RAB3C: variants seen among roughly 807,000 people sequenced by gnomAD.
RAB3C encodes the protein ras-related protein Rab-3C.
RAB3C carries 17 observed loss-of-function variants against 26.4 expected under a neutral mutation model. The ratio of observed to expected loss-of-function variants is 0.64; its 90% CI spans 0.44 to 0.97. The LOEUF (loss-of-function observed/expected upper bound fraction) is 0.97, where lower values mean the gene tolerates loss of function less well. RAB3C is among the 50% of genes least tolerant of loss of function. The probability of loss-of-function intolerance (pLI) is 0.00; values close to 1 mark genes in which losing one functional copy is unlikely to be tolerated. For missense variants in RAB3C, 242 were observed against 281.9 expected (o/e 0.86, Z 1.01); for synonymous variants, 91 against 95.9 (o/e 0.95, Z 0.30).
chr5:58,642,823 C>G (rs985846002), intron 2 of RAB3C, among the ~76,000 whole-genome samples: 5 of 152,332 alleles, frequency 3.3e-5, no homozygotes, highest in African/African-American at 1.2e-4. Flanking sequence ...AGTAAAATCC[C>G]TGCAAAGCTA....
At chr5:58,685,853 G>C (rs2111849058) in intron 2 of RAB3C, among the ~76,000 whole-genome samples, 1 of 152,236 alleles carries the variant, frequency 6.6e-6, no homozygotes, top group African/African-American at 2.4e-5. Context: ...AAAAAACGTA[G>C]ATATAGAAAG....
At chr5:58,739,222 A>C (rs190772559) in intron 3 of RAB3C, among the ~76,000 whole-genome samples, 1 of 152,204 alleles carries the variant, frequency 6.6e-6, no homozygotes, top group Non-Finnish European at 1.5e-5. Context: ...CTCATGATAC[A>C]TGTTATTGAC....
intron 1 of RAB3C, among the ~76,000 whole-genome samples, chr5:58,586,599 C>T (rs1354058517): frequency 1.3e-5 from 2 of 152,126 alleles, no homozygotes; most frequent in African/African-American, 2.4e-5. Context: ...AAGTGGAATT[C>T]ATTGTCTCTG....
chr5:58,654,634 A>G (rs983758310), intron 2 of RAB3C, among the ~76,000 whole-genome samples: 5 of 151,976 alleles, frequency 3.3e-5, no homozygotes, highest in Non-Finnish European at 5.9e-5. Flanking sequence ...AGGTTTGTGT[A>G]AAGCAAGCAG....
chr5:58,663,529 T>G (rs949473996), intron 2 of RAB3C, among the ~76,000 whole-genome samples: 1 of 150,346 alleles, frequency 6.7e-6, no homozygotes, highest in Non-Finnish European at 1.5e-5. Context: ...GTAACTAAAT[T>G]CATTTGGATG....
chr5:58,712,582 T>G (rs1237310232), intron 2 of RAB3C, among the ~76,000 whole-genome samples: 3 of 152,192 alleles, frequency 2.0e-5, no homozygotes, highest in African/African-American at 7.2e-5. Context: ...TGGAGTTCAG[T>G]GGAGCGATCT....
At chr5:58,677,322 G>A (rs1274163078) in intron 2 of RAB3C, among the ~76,000 whole-genome samples, 4 of 152,134 alleles carry the variant, frequency 2.6e-5, no homozygotes, top group African/African-American at 7.2e-5. Flanking sequence ...TATAAATTTC[G>A]GGGAGTGGGC....
At chr5:58,628,245 TAA>T (rs1326581009) in intron 2 of RAB3C, among the ~76,000 whole-genome samples, 1 of 128,442 alleles carries the variant, frequency 7.8e-6, no homozygotes, top group Non-Finnish European at 1.7e-5. Flanking sequence ...AGACATAAAA[TAA>T]AAAAGAGTTG....
chr5:58,851,064 G>A, intron 4 of RAB3C, 100 bp from the exon 5 acceptor site: 2 of 1,169,448 alleles, frequency 1.7e-6, no homozygotes, highest in Non-Finnish European at 2.4e-6. Context: ...ACCCACTGAT[G>A]TCTCACCATC....
chr5:58,770,776 T>A (rs1465551125), intron 3 of RAB3C, among the ~76,000 whole-genome samples: 1 of 152,124 alleles, frequency 6.6e-6, no homozygotes, highest in Non-Finnish European at 1.5e-5. Context: ...TTAGTCATAA[T>A]CTTTTTTACT....
At chr5:58,764,072 G>A (rs1228541386) in intron 3 of RAB3C, among the ~76,000 whole-genome samples, 1 of 152,114 alleles carries the variant, frequency 6.6e-6, no homozygotes, top group Non-Finnish European at 1.5e-5. Context: ...CATAAAACAA[G>A]CCTAATTTGG....
intron 1 of RAB3C, among the ~76,000 whole-genome samples, chr5:58,590,009 C>T (rs1202922198): frequency 6.6e-6 from 1 of 152,214 alleles, no homozygotes; most frequent in East Asian, 1.9e-4. Flanking sequence ...CTTTCCTAGA[C>T]TGTCCAGATC....
chr5:58,748,011 C>G (rs534962216), intron 3 of RAB3C, among the ~76,000 whole-genome samples: 2 of 152,174 alleles, frequency 1.3e-5, no homozygotes, highest in East Asian at 1.9e-4. Flanking sequence ...ATGAAGAGAT[C>G]TGCTGTATGA....
intron 3 of RAB3C, among the ~76,000 whole-genome samples, chr5:58,813,283 C>T (rs957633340): frequency 1.3e-5 from 2 of 152,034 alleles, no homozygotes; most frequent in Non-Finnish European, 2.9e-5. Context: ...ATGATTATTG[C>T]ACCACACTGA....
At chr5:58,815,007 G>T (rs544205424) in intron 3 of RAB3C, among the ~76,000 whole-genome samples, 2 of 152,198 alleles carry the variant, frequency 1.3e-5, no homozygotes, top group South Asian at 4.1e-4. Context: ...ACCACAGAGA[G>T]GTGGATCAAA....
intron 1 of RAB3C, among the ~76,000 whole-genome samples, chr5:58,590,515 G>A (rs1049411343): frequency 1.3e-5 from 2 of 151,380 alleles, no homozygotes; most frequent in African/African-American, 4.9e-5. Context: ...AGATTCTTAA[G>A]GTATAAATTT....
intron 1 of RAB3C, among the ~76,000 whole-genome samples, chr5:58,593,325 G>A (rs1435267016): frequency 6.6e-6 from 1 of 152,076 alleles, no homozygotes; most frequent in Non-Finnish European, 1.5e-5. Flanking sequence ...CTTGAGTATT[G>A]AAAGAGGTTA....
chr5:58,819,212 G>A (rs1023636442), intron 3 of RAB3C, among the ~76,000 whole-genome samples: 4 of 152,158 alleles, frequency 2.6e-5, no homozygotes, highest in African/African-American at 9.7e-5. Flanking sequence ...CCCAGAGCAT[G>A]TAAAATAATA....
Position 58,597,116 on chromosome 5 carries a change from AATAC to A in RAB3C, c.24+13888_24+13891del, listed in dbSNP as rs1300715278. ...ATAATATATATTATATAATATATAT[AATAC>A]ATAATATATAATATAATAATATATA... On this transcript the variant is annotated intron_variant, in intron 1 of 4. Coordinates refer to ENST00000282878, the MANE Select transcript of RAB3C (RefSeq NM_138453.4). 2.5e-4 allele frequency among the ~76,000 whole-genome samples: 8 copies of A among 32,310 alleles called. 1 individual carries two copies. Among genetic ancestry groups the A allele is most frequent in the African/African-American group, 7.1e-4 (8 of 11,292 alleles). The allele number at this position is 32,310 out of a possible 152,430, so 21.2% of individuals were successfully genotyped here.
Sources: allele counts gnomAD v4.1 joint callset (sites outside exome capture counted in the v4.1 genomes callset), GRCh38; gene constraint gnomAD v4.1.1; transcripts MANE v1.5; gene names NCBI Gene and HGNC (gene_info 2026-07-23, HGNC 2026-07-21).